KLHL18: variants seen among roughly 807,000 people sequenced by gnomAD.
The protein encoded by KLHL18 is kelch like family member 18, also known as kelch-like protein 18.
Under a neutral mutation model 58.5 loss-of-function variants are expected in KLHL18, and 38 were observed. That is an observed-to-expected ratio of 0.65 (90% confidence interval 0.50 to 0.85). The LOEUF is 0.85. Among genes scored for constraint, KLHL18 ranks in the 40% least tolerant of loss-of-function variants. The pLI, the probability that KLHL18 is intolerant of heterozygous loss-of-function variation, is 0.00. For missense variants in KLHL18, 624 were observed against 778.4 expected, an observed-to-expected ratio of 0.80 and a Z score of 2.36; for synonymous variants, 303 against 301.9, an observed-to-expected ratio of 1.00 and a Z score of -0.04.
chr3:47,339,490 C>CAA lies in KLHL18; in HGVS notation c.1122-1066_1122-1065dup, dbSNP rs535713738. Among the ~76,000 whole-genome samples, 5 of 69,186 alleles carry CAA rather than the reference C, an allele frequency of 7.2e-5. No homozygotes were observed. The East Asian group carries it at 1.3e-3, about 18-fold the overall frequency. 45.4% of individuals were successfully genotyped at this position (69,186 alleles called of 152,430 possible). On this transcript the variant is annotated intron_variant, in intron 7 of 9. Coordinates refer to ENST00000232766, the MANE Select transcript of KLHL18 (RefSeq NM_025010.5). ...CTGATGATAGAGCAAGACCTCATCTCAAAAAAAAAAAAAAAAAGAAAATAA... is the reference window on the plus strand; with the variant it reads ...CTGATGATAGAGCAAGACCTCATCTCAAAAAAAAAAAAAAAAAAAGAAAATAA...
intron 3 of KLHL18, among the ~76,000 whole-genome samples, chr3:47,326,553 C>G (rs1289971435): frequency 3.3e-5 from 5 of 152,132 alleles, no homozygotes; most frequent in Non-Finnish European, 7.3e-5. Context: ...CCTTTTCCCC[C>G]ACTAATTGCC....
intron 1 of KLHL18, among the ~76,000 whole-genome samples, chr3:47,290,649 A>C (rs1459993396): frequency 6.6e-6 from 1 of 151,842 alleles, no homozygotes; most frequent in Non-Finnish European, 1.5e-5. Context: ...TTTTTGAGAG[A>C]TGGGGCCTCA....
chr3:47,299,941 T>C (rs1479700280), intron 1 of KLHL18, among the ~76,000 whole-genome samples: 1 of 151,536 alleles, frequency 6.6e-6, no homozygotes, highest in Admixed American at 6.6e-5. Flanking sequence ...CATCAAACCT[T>C]ATCTGAATCT....
At chr3:47,304,615 AAC>A (rs1373140683) in intron 1 of KLHL18, among the ~76,000 whole-genome samples, 2 of 152,220 alleles carry the variant, frequency 1.3e-5, no homozygotes, top group Non-Finnish European at 2.9e-5. Context: ...GTACATGGAA[AAC>A]ACAACTGATT....
chr3:47,284,397 C>T (rs914184241), intron 1 of KLHL18, among the ~76,000 whole-genome samples: 1 of 136,068 alleles, frequency 7.3e-6, no homozygotes, highest in Non-Finnish European at 1.5e-5. Flanking sequence ...AGTGCAGTGG[C>T]GCTATCTTGG....
At chr3:47,332,649 G>A (rs1405575221) in intron 4 of KLHL18, among the ~76,000 whole-genome samples, 1 of 152,134 alleles carries the variant, frequency 6.6e-6, no homozygotes, top group Non-Finnish European at 1.5e-5. Context: ...CATAAGGGCT[G>A]TAGGGCTTTA....
At chr3:47,304,270 C>G (rs1703088838) in intron 1 of KLHL18, among the ~76,000 whole-genome samples, 1 of 152,076 alleles carries the variant, frequency 6.6e-6, no homozygotes, top group Non-Finnish European at 1.5e-5. Flanking sequence ...TTTGGGAGGC[C>G]AAGGTGGGAG....
intron 1 of KLHL18, among the ~76,000 whole-genome samples, chr3:47,300,289 A>T (rs1351785268): frequency 7.0e-6 from 1 of 142,790 alleles, no homozygotes; most frequent in African/African-American, 2.6e-5. Context: ...CCGGCATTTT[A>T]TATATATATA....
At chr3:47,301,242 A>ATT (rs780629746) in intron 1 of KLHL18, among the ~76,000 whole-genome samples, 1 of 147,804 alleles carries the variant, frequency 6.8e-6, no homozygotes. Context: ...ATTTAGTCCA[A>ATT]TTTTTTTTTT....
intron 2 of KLHL18, 73 bp downstream of exon 2, chr3:47,319,856 A>G (rs1040397165): frequency 2.0e-6 from 3 of 1,518,176 alleles, no homozygotes; most frequent in Non-Finnish European, 2.7e-6. Flanking sequence ...GGTTCCGTTG[A>G]GGACCTGCAG....
intron 1 of KLHL18, among the ~76,000 whole-genome samples, chr3:47,309,954 C>G (rs183744521): frequency 7.9e-6 from 1 of 126,052 alleles, no homozygotes; most frequent in Non-Finnish European, 1.6e-5. Flanking sequence ...AGTCCAGCTT[C>G]GGCTCGGCAT....
At chr3:47,284,236 A>G (rs1410606510) in intron 1 of KLHL18, among the ~76,000 whole-genome samples, 5 of 151,156 alleles carry the variant, frequency 3.3e-5, no homozygotes, top group Non-Finnish European at 7.4e-5. Flanking sequence ...TATTTCTCCT[A>G]TTTCTCTCTG....
At chr3:47,283,437 G>C (rs1193007999) in intron 1 of KLHL18, 1 of 352,112 alleles carries the variant, frequency 2.8e-6, no homozygotes, top group African/African-American at 2.1e-5. Context: ...GGCTCCACAT[G>C]CTGATGGGCA....
Position 47,283,010 on chromosome 3 carries a change from C to T in KLHL18, c.45C>T (p.Phe15=), listed in dbSNP as rs1464202962. Residue 15 remains phenylalanine (F), a synonymous_variant, in exon 1 of 10, where the codon TTC becomes TTT. Coordinates refer to ENST00000232766, the MANE Select transcript of KLHL18 (RefSeq NM_025010.5). ...AGGAGCTGGAGGATCTGGTGCACTTCTCCGTGTCTGAGTTGCCTAGTCGCG... is the reference window on the plus strand; with the variant it reads ...AGGAGCTGGAGGATCTGGTGCACTTTTCCGTGTCTGAGTTGCCTAGTCGCG... ...GAEELEDLVH[F]SVSELPSRGY... is the part of the protein sequence containing the mutation. 6.2e-7 allele frequency: 1 copy of T among 1,610,492 alleles called. No homozygotes were observed. Among genetic ancestry groups the T allele is most frequent in the African/African-American group, 1.3e-5 (1 of 74,876 alleles).
At chr3:47,303,896 A>ATTT (rs55807798) in intron 1 of KLHL18, among the ~76,000 whole-genome samples, 4 of 149,346 alleles carry the variant, frequency 2.7e-5, no homozygotes, top group Non-Finnish European at 1.5e-5. Context: ...CTAATTTTTA[A>ATTT]TTTTTTTTTT....
intron 3 of KLHL18, 127 bp from the exon 4 acceptor site, chr3:47,329,824 A>G: frequency 2.7e-6 from 2 of 727,714 alleles, no homozygotes; most frequent in Non-Finnish European, 4.6e-6. Context: ...AGAGAAATAC[A>G]GTTTCCAACA....
At chr3:47,325,768 T>A (rs892476563) in intron 3 of KLHL18, among the ~76,000 whole-genome samples, 5 of 151,494 alleles carry the variant, frequency 3.3e-5, no homozygotes, top group Non-Finnish European at 1.5e-5. Flanking sequence ...CTGTGTATTT[T>A]CTTGCTTTTT....
chr3:47,283,365 T>G, intron 1 of KLHL18: 2 of 486,526 alleles, frequency 4.1e-6, no homozygotes, highest in East Asian at 3.4e-5. Flanking sequence ...GACAGCCTCC[T>G]TTTTCTGTCA....
chr3:47,330,247 G>T, intron 4 of KLHL18, 98 bp downstream of exon 4: 1 of 1,070,632 alleles, frequency 9.3e-7, no homozygotes, highest in South Asian at 1.4e-5. Context: ...TTAAGATCAT[G>T]ACATGTATGT....
Sources: gnomAD v4.1 joint callset for allele counts (sites outside exome capture counted in the v4.1 genomes callset) on GRCh38, gnomAD v4.1.1 for gene constraint, MANE v1.5 for transcripts, NCBI Gene and HGNC (gene_info 2026-07-23, HGNC 2026-07-21) for gene names.